TMEM97: variants seen among roughly 807,000 people sequenced by gnomAD.
TMEM97 encodes the protein sigma intracellular receptor 2.
TMEM97 carries 13 observed loss-of-function variants against 18.3 expected under a neutral mutation model. The observed-to-expected ratio is 0.71, with a 90% CI of 0.46 to 1.13. The LOEUF is 1.13. Ranked by LOEUF, TMEM97 falls within the 50% of genes most tolerant of loss-of-function variation. TMEM97 has a pLI of 0.00. For missense variants in TMEM97, 205 were observed against 210.5 expected (o/e 0.97, Z 0.16); for synonymous variants, 76 against 85.3 (o/e 0.89, Z 0.60).
rs782299592 is a variant in TMEM97 at position 28,325,579 on chromosome 17, CCTTT to C, written c.206_209del (p.Phe69CysfsTer39). On this transcript the variant is annotated frameshift_variant, in exon 2 of 3. Transcript: ENST00000226230. LOFTEE classifies it high-confidence loss of function. ...CAGGAGCCCCCAGCCTGGTTTAAGT[CCTTT>C]CTGTTTTGCGAGCTTGTGTTTCAGC... 3.7e-6 allele frequency: 6 copies of C among 1,614,088 alleles called. No homozygotes were observed. In the Admixed American group the frequency reaches 8.3e-5, roughly 22 times the overall value.
chr17:28,328,670 T>C lies in TMEM97; in HGVS notation c.*1877T>C, dbSNP rs952917251. 1.9e-6 allele frequency: 3 copies of C among 1,604,006 alleles called. No individual in the cohort carries two copies. In the African/African-American group the frequency reaches 4.0e-5, roughly 22 times the overall value. ...TTTCAGTTCATTTCTGAAAAATAAA[T>C]TGGTCAATAAATTCATTTTGTTCTG... On this transcript the variant is annotated 3_prime_UTR_variant, in exon 3 of 3. Transcript: ENST00000226230.
At chr17:28,321,650 CT>C (rs1187888766) in intron 1 of TMEM97, among the ~76,000 whole-genome samples, 1 of 152,092 alleles carries the variant, frequency 6.6e-6, no homozygotes, top group Non-Finnish European at 1.5e-5. Flanking sequence ...CCAGGCTGGT[CT>C]TCTGGGCTCA....
At chr17:28,325,730 G>A (rs1367322228) in intron 2 of TMEM97, 83 bp downstream of exon 2, 2 of 1,570,970 alleles carry the variant, frequency 1.3e-6, no homozygotes, top group East Asian at 4.5e-5. Context: ...CAAAGGGAAG[G>A]GGATGGTCCC....
At chr17:28,319,488 GC>G (rs1460480748) in intron 1 of TMEM97, 123 bp downstream of exon 1, 1 of 1,213,624 alleles carries the variant, frequency 8.2e-7, no homozygotes, top group Non-Finnish European at 1.1e-6. Flanking sequence ...TCCTGCCCAT[GC>G]CTCCCCCGCT....
intron 1 of TMEM97, 92 bp downstream of exon 1, chr17:28,319,457 G>GTTCCA (rs1263212127): frequency 7.1e-7 from 1 of 1,405,518 alleles, no homozygotes; most frequent in Non-Finnish European, 9.3e-7. Flanking sequence ...CGCACTCTGG[G>GTTCCA]TTCCAGTTGC....
chr17:28,319,510 C>A, intron 1 of TMEM97, 145 bp downstream of exon 1: 1 of 1,020,270 alleles, frequency 9.8e-7, no homozygotes, highest in Non-Finnish European at 1.3e-6. Context: ...CCTAACCCAA[C>A]TTTAGTTCGG....
intron 1 of TMEM97, among the ~76,000 whole-genome samples, chr17:28,322,834 G>A (rs371167935): frequency 6.6e-6 from 1 of 152,148 alleles, no homozygotes; most frequent in African/African-American, 2.4e-5. Flanking sequence ...ATAGAGTCAG[G>A]TATAAGTGGA....
At chr17:28,319,650 C>CA (rs1906068246) in intron 1 of TMEM97, 1 of 331,448 alleles carries the variant, frequency 3.0e-6, no homozygotes, top group Non-Finnish European at 5.5e-6. Flanking sequence ...GGCCGGTTGT[C>CA]AGTGTCTGAG....
In TMEM97 at chr17:28,319,215, C is replaced by G. The variant is rs1275245424; in HGVS notation, c.-25C>G. ...GATTTGGCCCCTCTTCTCACATCAG[C>G]GGGTCCAGGCCCAACCGACAGACTA... On this transcript the variant is annotated 5_prime_UTR_variant, in exon 1 of 3. Coordinates refer to ENST00000226230, the MANE Select transcript of TMEM97 (RefSeq NM_014573.3). The G allele has an allele frequency of 6.4e-7, 1 of 1,574,242 alleles. No individual in the cohort carries two copies. The highest frequency in any genetic ancestry group is 1.4e-5 in the African/African-American group (1 of 73,056).
At chr17:28,319,451 C>T in intron 1 of TMEM97, 86 bp downstream of exon 1, 2 of 1,419,560 alleles carry the variant, frequency 1.4e-6, no homozygotes, top group South Asian at 3.0e-5. Context: ...CGCTCGCGCA[C>T]TCTGGGTTCC....
intron 1 of TMEM97, among the ~76,000 whole-genome samples, chr17:28,323,866 C>T (rs1378452832): frequency 6.6e-6 from 1 of 152,090 alleles, no homozygotes; most frequent in Non-Finnish European, 1.5e-5. Flanking sequence ...GGCTTGGTGG[C>T]GCATACCTGT....
rs1555574639 is a variant in TMEM97 at position 28,319,201 on chromosome 17, T to G, written c.-39T>G. 2 of 1,554,154 alleles carry G rather than the reference T, an allele frequency of 1.3e-6. No individual in the cohort carries two copies. On this transcript the variant is annotated 5_prime_UTR_variant, in exon 1 of 3. Transcript: ENST00000226230. ...TGGGAAGGCGCGCGGATTTGGCCCC[T>G]CTTCTCACATCAGCGGGTCCAGGCC...
At position 28,321,064 on chromosome 17, in the gene TMEM97, A is replaced by G. The variant is rs76077898; in HGVS notation, c.126+1699A>G. On this transcript the variant is annotated intron_variant, in intron 1 of 2. Transcript: ENST00000226230. ...TTTGGGGGCCATTATTCAGCCTACTACAGGGCCAGAGAGTACAGACTCTTC... is the reference window on the plus strand; with the variant it reads ...TTTGGGGGCCATTATTCAGCCTACTGCAGGGCCAGAGAGTACAGACTCTTC... 7.2e-5 allele frequency among the ~76,000 whole-genome samples: 11 copies of G among 152,318 alleles called. 2 individuals carry two copies. In the East Asian group the frequency reaches 1.9e-3, roughly 27 times the overall value.
chr17:28,326,504 AC>A (rs1555575473), intron 2 of TMEM97, 29 bp from the exon 3 acceptor site: 3 of 1,604,610 alleles, frequency 1.9e-6, no homozygotes, highest in Admixed American at 1.7e-5. Context: ...AACAGACCTA[AC>A]CATTTTTCTT....
intron 1 of TMEM97, among the ~76,000 whole-genome samples, chr17:28,323,479 G>A (rs1011395109): frequency 2.0e-5 from 3 of 151,700 alleles, no homozygotes; most frequent in Non-Finnish European, 4.4e-5. Flanking sequence ...CACCCAGGCC[G>A]GAGTGCAGTG....
chr17:28,326,325 C>T (rs73271165), intron 2 of TMEM97, among the ~76,000 whole-genome samples: 1 of 152,238 alleles, frequency 6.6e-6, no homozygotes, highest in African/African-American at 2.4e-5. Flanking sequence ...ATGTTCTGAC[C>T]CCCATTCTTG....
intron 1 of TMEM97, among the ~76,000 whole-genome samples, chr17:28,322,634 A>G (rs1555575027): frequency 6.6e-6 from 1 of 152,242 alleles, no homozygotes; most frequent in Non-Finnish European, 1.5e-5. Flanking sequence ...TTGTAGTATC[A>G]TTTGCAGCTG....
In TMEM97 at chr17:28,326,939, C is replaced by A; in HGVS notation, c.*146C>A. On this transcript the variant is annotated 3_prime_UTR_variant, in exon 3 of 3. Coordinates refer to ENST00000226230, the MANE Select transcript of TMEM97 (RefSeq NM_014573.3). Reference sequence around the variant, plus strand: ...CACAAGAGCAAGATGGTGTCAGGAACCATGTCAAACCCTCACCTTCTTCCA... The same window carrying A: ...CACAAGAGCAAGATGGTGTCAGGAAACATGTCAAACCCTCACCTTCTTCCA... The A allele has an allele frequency of 9.9e-7, 1 of 1,011,624 alleles. No homozygotes were observed. The highest frequency in any genetic ancestry group is 1.4e-6 in the Non-Finnish European group (1 of 693,062). The allele number at this position is 1,011,624 out of a possible 1,614,324, so 62.7% of individuals were successfully genotyped here. A position where few individuals can be genotyped will look rare whatever the true frequency, so the allele number is the denominator to read the frequency against.
Position 28,326,841 on chromosome 17 carries a change from T to G in TMEM97, c.*48T>G, listed in dbSNP as rs1302462642. On this transcript the variant is annotated 3_prime_UTR_variant, in exon 3 of 3. Coordinates refer to ENST00000226230, the MANE Select transcript of TMEM97 (RefSeq NM_014573.3). ...GTAGAGATGCCTACAGGGTGGTTGC[T>G]TGTTGGATACAATACAAGGAACACT... 2 of 1,577,418 alleles carry G rather than the reference T, an allele frequency of 1.3e-6. No individual in the cohort carries two copies. Among genetic ancestry groups the G allele is most frequent in the African/African-American group, 2.7e-5 (2 of 73,294 alleles).
Sources: allele counts gnomAD v4.1 joint callset (sites outside exome capture counted in the v4.1 genomes callset), GRCh38; gene constraint gnomAD v4.1.1; transcripts MANE v1.5; gene names NCBI Gene and HGNC (gene_info 2026-07-23, HGNC 2026-07-21).